PRKG2: variants seen among roughly 807,000 people sequenced by gnomAD.
PRKG2 encodes protein kinase cGMP-dependent 2.
In PRKG2, 33 loss-of-function variants were observed where a neutral mutation model predicts 97.2. The observed-to-expected ratio is 0.34, with a 90% CI of 0.26 to 0.45. The LOEUF is 0.45. PRKG2 is among the 20% of genes least tolerant of loss of function. The pLI is 1.00. For missense variants in PRKG2, 638 were observed against 900.0 expected, an observed-to-expected ratio of 0.71 and a Z score of 3.73; for synonymous variants, 330 against 321.8, an observed-to-expected ratio of 1.03 and a Z score of -0.27.
At chr4:81,124,296 A>G (rs1004632717) in intron 14 of PRKG2, among the ~76,000 whole-genome samples, 3 of 152,036 alleles carry the variant, frequency 2.0e-5, no homozygotes, top group Non-Finnish European at 4.4e-5. Context: ...TTATTCCTTT[A>G]TATATAAACT....
At chr4:81,101,662 C>A (rs1188552159) in intron 17 of PRKG2, among the ~76,000 whole-genome samples, 3 of 148,790 alleles carry the variant, frequency 2.0e-5, no homozygotes, top group African/African-American at 7.5e-5. Flanking sequence ...CACATGTATA[C>A]ATATGTAACT....
intron 3 of PRKG2, among the ~76,000 whole-genome samples, chr4:81,172,574 C>T (rs1233929138): frequency 6.6e-6 from 1 of 152,168 alleles, no homozygotes; most frequent in African/African-American, 2.4e-5. Flanking sequence ...CAGAAGTTTG[C>T]ATCCCCTTCA....
intron 17 of PRKG2, among the ~76,000 whole-genome samples, chr4:81,098,506 C>G (rs116280385): frequency 6.6e-6 from 1 of 152,088 alleles, no homozygotes; most frequent in East Asian, 1.9e-4. Context: ...TTTTGATATG[C>G]CTTCTTCACT....
intron 3 of PRKG2, among the ~76,000 whole-genome samples, chr4:81,174,295 A>G (rs1750732269): frequency 6.6e-6 from 1 of 152,110 alleles, no homozygotes; most frequent in Middle Eastern, 3.2e-3. Context: ...CAGAACCACA[A>G]TAATAATTGT....
At chr4:81,099,730 A>G (rs1296508777) in intron 17 of PRKG2, among the ~76,000 whole-genome samples, 1 of 152,158 alleles carries the variant, frequency 6.6e-6, no homozygotes, top group Non-Finnish European at 1.5e-5. Flanking sequence ...AGGCAGGAGA[A>G]GGAAATAAAG....
chr4:81,182,747 T>C (rs955973439), intron 2 of PRKG2, among the ~76,000 whole-genome samples: 1 of 152,094 alleles, frequency 6.6e-6, no homozygotes, highest in Non-Finnish European at 1.5e-5. Flanking sequence ...TATTTCTATA[T>C]TCTAGTATTA....
intron 1 of PRKG2, among the ~76,000 whole-genome samples, chr4:81,213,289 T>C (rs910034006): frequency 6.6e-6 from 1 of 152,190 alleles, no homozygotes; most frequent in Admixed American, 6.5e-5. Context: ...AATGTCTCTA[T>C]TGTTACCTAT....
chr4:81,110,372 T>G, intron 15 of PRKG2, 76 bp downstream of exon 15: 1 of 1,465,876 alleles, frequency 6.8e-7, no homozygotes, highest in Admixed American at 2.2e-5. Context: ...TCTTAAAGTA[T>G]ATACACTTTA....
chr4:81,090,983 A>G (rs775467453), intron 18 of PRKG2, among the ~76,000 whole-genome samples: 3 of 152,208 alleles, frequency 2.0e-5, no homozygotes, highest in Non-Finnish European at 4.4e-5. Flanking sequence ...ACTGCATGCC[A>G]TAAAAATGTA....
At position 81,125,223 on chromosome 4, in the gene PRKG2, CAT is replaced by C. The variant is rs1745437822; in HGVS notation, c.1776+9930_1776+9931del. Among the ~76,000 whole-genome samples the C allele has an allele frequency of 3.3e-5, 5 of 152,160 alleles. No individual in the cohort carries two copies. The South Asian group carries it at 1.0e-3, about 32-fold the overall frequency. On this transcript the variant is annotated intron_variant, in intron 14 of 18. Transcript: ENST00000264399. The stretch of plus-strand genomic sequence containing the variant: ...GTGTACAGTTCATTGAATTTTAGTG[CAT>C]ATTATACTGATGTAGCTGCAACCAC...
rs1021412305 is a variant in PRKG2, at chr4:81,177,444, G to A, written c.462-2485C>T. Among the ~76,000 whole-genome samples, 7 of 152,084 alleles carry A rather than the reference G, an allele frequency of 4.6e-5. No individual in the cohort carries two copies. In the East Asian group the frequency reaches 5.8e-4, roughly 13 times the overall value. ...GTTTCGGCCAGGCGCGGTGGCTCAC[G>A]CCTGTAATCCCAGCACTTTGGGAGG... On this transcript the variant is annotated intron_variant, in intron 2 of 18. Coordinates refer to ENST00000264399, the MANE Select transcript of PRKG2 (RefSeq NM_006259.3).
At chr4:81,145,421 A>G (rs1042263716) in intron 9 of PRKG2, among the ~76,000 whole-genome samples, 1 of 152,168 alleles carries the variant, frequency 6.6e-6, no homozygotes, top group East Asian at 1.9e-4. Context: ...TTGTCTCAAG[A>G]TAACTCTCTC....
At chr4:81,175,929 C>T (rs190339440) in intron 2 of PRKG2, 2 of 152,220 alleles carry the variant, frequency 1.3e-5, no homozygotes, top group African/African-American at 4.8e-5. Context: ...TCATAAAACT[C>T]AGCATGATTT....
intron 2 of PRKG2, among the ~76,000 whole-genome samples, chr4:81,179,410 A>G (rs1751213962): frequency 6.6e-6 from 1 of 152,220 alleles, no homozygotes; most frequent in African/African-American, 2.4e-5. Context: ...CAAAGAGCCT[A>G]TTTCAATATC....
intron 2 of PRKG2, among the ~76,000 whole-genome samples, chr4:81,189,570 A>T (rs1752283287): frequency 2.0e-5 from 3 of 149,858 alleles, no homozygotes; most frequent in Non-Finnish European, 4.4e-5. Flanking sequence ...ATGAGAACAC[A>T]TGGACACAGG....
At chr4:81,118,829 C>T (rs2109997699) in intron 14 of PRKG2, among the ~76,000 whole-genome samples, 1 of 152,344 alleles carries the variant, frequency 6.6e-6, no homozygotes, top group East Asian at 1.9e-4. Flanking sequence ...GGGTCTCACT[C>T]TGTCACCCAG....
Position 81,090,854 on chromosome 4 carries a change from C to T in PRKG2, c.2194-1051G>A, listed in dbSNP as rs373559318. Among the ~76,000 whole-genome samples the T allele has an allele frequency of 7.2e-5, 11 of 152,270 alleles. No homozygotes were observed. In the East Asian group the frequency reaches 9.6e-4, roughly 13 times the overall value. ...AAAAGGAATAGAATTGATGCTGAAT[C>T]TGATCCCATTCTTCTAATAAATAAT... On this transcript the variant is annotated intron_variant, in intron 18 of 18. Coordinates refer to ENST00000264399, the MANE Select transcript of PRKG2 (RefSeq NM_006259.3).
chr4:81,192,657 C>T (rs376065482), intron 2 of PRKG2, among the ~76,000 whole-genome samples: 5 of 152,064 alleles, frequency 3.3e-5, no homozygotes, highest in African/African-American at 9.7e-5. Context: ...ACTTAAATAA[C>T]GTGCCAGTAA....
intron 13 of PRKG2, 147 bp downstream of exon 13, chr4:81,137,246 T>C (rs771018512): frequency 3.1e-6 from 2 of 643,840 alleles, no homozygotes; most frequent in Non-Finnish European, 5.5e-6. Flanking sequence ...TATTGTAGCA[T>C]TAGCCAAGAC....
Sources: allele counts gnomAD v4.1 joint callset (sites outside exome capture counted in the v4.1 genomes callset), GRCh38; gene constraint gnomAD v4.1.1; transcripts MANE v1.5; gene names NCBI Gene and HGNC (gene_info 2026-07-23, HGNC 2026-07-21).